The following DPP10 variants were observed in gnomAD, a reference collection of about 807,000 sequenced individuals.
DPP10 encodes the protein inactive dipeptidyl peptidase 10.
Under a neutral mutation model 120.9 loss-of-function variants are expected in DPP10, and 33 were observed. The observed-to-expected ratio is 0.27, with a 90% CI of 0.21 to 0.37. The LOEUF (loss-of-function observed/expected upper bound fraction) is 0.37, where lower values mean the gene tolerates loss of function less well. DPP10 is among the 10% of genes least tolerant of loss of function. The pLI, the probability that DPP10 is intolerant of heterozygous loss-of-function variation, is 1.00. For synonymous variants in DPP10, 337 were observed against 326.1 expected (o/e 1.03, Z -0.36); for missense variants, 816 against 942.8 (o/e 0.87, Z 1.76).
chr2:114,852,230 C>T (rs1689003776), intron 1 of DPP10, among the ~76,000 whole-genome samples: 1 of 129,616 alleles, frequency 7.7e-6, no homozygotes, highest in African/African-American at 2.9e-5. Flanking sequence ...TTTACTCCTA[C>T]TGAGCCCTCA....
rs760764398 is a variant in DPP10, at chr2:115,502,518, A to G, written c.366+2914A>G. On this transcript the variant is annotated intron_variant, in intron 4 of 25. Transcript: ENST00000410059. ...GTCATAATGAGGAAACTGTTTCCTA[A>G]GTATTAGCTGTACTCTTTCTGCTGT... Among the ~76,000 whole-genome samples, 3 of 152,290 alleles carry G rather than the reference A, an allele frequency of 2.0e-5. No individual in the cohort carries two copies. The South Asian group carries it at 6.2e-4, about 32-fold the overall frequency.
chr2:115,678,083 A>G (rs986826465), intron 5 of DPP10, among the ~76,000 whole-genome samples: 1 of 152,252 alleles, frequency 6.6e-6, no homozygotes, highest in Non-Finnish European at 1.5e-5. Flanking sequence ...GCAGAGCATA[A>G]AACTTTAGAA....
chr2:115,294,434 G>A (rs1239193733), intron 1 of DPP10, among the ~76,000 whole-genome samples: 1 of 148,026 alleles, frequency 6.8e-6, no homozygotes, highest in Non-Finnish European at 1.5e-5. Flanking sequence ...TTTTGTTTTT[G>A]TTTTTTTTTG....
intron 1 of DPP10, among the ~76,000 whole-genome samples, chr2:115,098,792 A>C (rs2048531732): frequency 6.6e-6 from 1 of 152,178 alleles, no homozygotes; most frequent in Non-Finnish European, 1.5e-5. Context: ...AATGATATTC[A>C]TTGTTTCTCT....
chr2:115,811,381 A>G (rs978408313), intron 19 of DPP10, among the ~76,000 whole-genome samples: 21 of 152,186 alleles, frequency 1.4e-4, no homozygotes, highest in Non-Finnish European at 4.4e-5. Context: ...GTTTTCTTCT[A>G]TGAGTGTAGC....
chr2:114,471,337 CT>C (rs1679892614), intron 1 of DPP10, among the ~76,000 whole-genome samples: 1 of 152,112 alleles, frequency 6.6e-6, no homozygotes, highest in Non-Finnish European at 1.5e-5. Context: ...CCATTTGCTT[CT>C]TTTAAGCAGT....
intron 5 of DPP10, among the ~76,000 whole-genome samples, chr2:115,629,697 A>G (rs1019339222): frequency 6.6e-6 from 1 of 152,108 alleles, no homozygotes; most frequent in African/African-American, 2.4e-5. Context: ...AGGTTTGTTG[A>G]AGATCAAATG....
At chr2:115,009,446 G>C (rs529410674) in intron 1 of DPP10, among the ~76,000 whole-genome samples, 2 of 151,950 alleles carry the variant, frequency 1.3e-5, no homozygotes, top group South Asian at 4.2e-4. Flanking sequence ...GGTTGGTGGG[G>C]AGGGATAGCA....
chr2:115,807,798 AAAAACATT>A (rs1686178285), intron 19 of DPP10, among the ~76,000 whole-genome samples: 1 of 146,770 alleles, frequency 6.8e-6, no homozygotes, highest in East Asian at 1.9e-4. Context: ...CAAGAAAAAA[AAAAACATT>A]AAAACATCAA....
intron 1 of DPP10, among the ~76,000 whole-genome samples, chr2:114,481,263 A>G (rs893506402): frequency 3.9e-5 from 6 of 152,120 alleles, no homozygotes; most frequent in African/African-American, 1.4e-4. Flanking sequence ...AGAAGACATA[A>G]AGAAATATTT....
intron 21 of DPP10, among the ~76,000 whole-genome samples, chr2:115,827,412 GTGTATATATATA>G (rs1179665748): frequency 9.8e-5 from 8 of 81,936 alleles, no homozygotes; most frequent in Admixed American, 1.5e-4. Context: ...GTATGTGTGT[GTGTATATATATA>G]TATATATATA....
intron 1 of DPP10, among the ~76,000 whole-genome samples, chr2:114,522,291 G>C (rs1685136892): frequency 1.3e-5 from 2 of 152,036 alleles, no homozygotes; most frequent in Admixed American, 1.3e-4. Context: ...GCCTATCCAA[G>C]GTTTTTATAC....
chr2:115,722,844 A>G (rs1295106660), intron 7 of DPP10, among the ~76,000 whole-genome samples: 1 of 152,202 alleles, frequency 6.6e-6, no homozygotes, highest in African/African-American at 2.4e-5. Flanking sequence ...AGTGGTCCAG[A>G]TAGAAGAGAT....
At chr2:114,845,117 G>T (rs532047454) in intron 1 of DPP10, among the ~76,000 whole-genome samples, 2 of 152,208 alleles carry the variant, frequency 1.3e-5, no homozygotes, top group African/African-American at 4.8e-5. Flanking sequence ...CATGTGATAG[G>T]CATCACCACA....
intron 1 of DPP10, among the ~76,000 whole-genome samples, chr2:114,663,984 C>T (rs1229609797): frequency 2.0e-5 from 3 of 151,746 alleles, no homozygotes; most frequent in Non-Finnish European, 4.4e-5. Context: ...GGGGAAGGAG[C>T]GTAAGTGTGC....
chr2:115,528,454 A>C (rs1415010789), intron 5 of DPP10, among the ~76,000 whole-genome samples: 1 of 151,894 alleles, frequency 6.6e-6, no homozygotes, highest in South Asian at 2.1e-4. Context: ...ATTAAAAAAA[A>C]AACTAAGCAT....
intron 5 of DPP10, among the ~76,000 whole-genome samples, chr2:115,641,761 A>G (rs2086799912): frequency 6.7e-6 from 1 of 150,192 alleles, no homozygotes; most frequent in Non-Finnish European, 1.5e-5. Context: ...AAGGAATTCA[A>G]TTATATTTGA....
intron 5 of DPP10, among the ~76,000 whole-genome samples, chr2:115,609,756 A>G (rs2083962990): frequency 6.6e-6 from 1 of 152,146 alleles, no homozygotes; most frequent in Non-Finnish European, 1.5e-5. Context: ...CCAATATTGT[A>G]TCAAGTAAAA....
chr2:114,467,637 G>GT (rs965759621), intron 1 of DPP10, among the ~76,000 whole-genome samples: 15 of 152,140 alleles, frequency 9.9e-5, no homozygotes, highest in Non-Finnish European at 1.9e-4. Flanking sequence ...ATCAATGCTT[G>GT]TTTTTTGTTG....
Sources: gnomAD v4.1 joint callset for allele counts (sites outside exome capture counted in the v4.1 genomes callset) on GRCh38, gnomAD v4.1.1 for gene constraint, MANE v1.5 for transcripts, NCBI Gene and HGNC (gene_info 2026-07-23, HGNC 2026-07-21) for gene names.